Variants in PDE10A observed in about 807,000 individuals in gnomAD.
PDE10A encodes cAMP and cAMP-inhibited cGMP 3',5'-cyclic phosphodiesterase 10A.
In PDE10A, 39 loss-of-function variants were observed where a neutral mutation model predicts 97.7. The ratio of observed to expected loss-of-function variants is 0.40; its 90% CI spans 0.31 to 0.52. PDE10A has a LOEUF of 0.52. Ranked by LOEUF, PDE10A falls within the 20% of genes least tolerant of loss-of-function variation. PDE10A has a pLI of 0.56. For missense variants in PDE10A, 731 were observed against 1,047.8 expected, an observed-to-expected ratio of 0.70 and a Z score of 4.17; for synonymous variants, 371 against 376.8, an observed-to-expected ratio of 0.98 and a Z score of 0.18.
chr6:165,723,616 G>T (rs1582994952), intron 1 of PDE10A, among the ~76,000 whole-genome samples: 1 of 152,202 alleles, frequency 6.6e-6, no homozygotes. Flanking sequence ...AGCATGTTTT[G>T]CCATAGCTGC....
chr6:165,770,958 G>A (rs1402213507), intron 1 of PDE10A, among the ~76,000 whole-genome samples: 1 of 152,136 alleles, frequency 6.6e-6, no homozygotes, highest in Non-Finnish European at 1.5e-5. Flanking sequence ...GACCCCTCCT[G>A]TCCCTCTGGC....
intron 18 of PDE10A, among the ~76,000 whole-genome samples, chr6:165,368,647 C>T (rs1404243498): frequency 3.3e-5 from 5 of 152,050 alleles, no homozygotes; most frequent in African/African-American, 4.8e-5. Context: ...CTTATAAATG[C>T]AAATAGACTA....
intron 5 of PDE10A, 124 bp from the exon 6 acceptor site, chr6:165,435,501 G>A: frequency 1.3e-6 from 1 of 765,698 alleles, no homozygotes; most frequent in Non-Finnish European, 1.9e-6. Flanking sequence ...CATAAAATGA[G>A]GAAAGGTGCT....
chr6:165,837,537 C>A (rs1780095676), intron 1 of PDE10A, among the ~76,000 whole-genome samples: 1 of 152,052 alleles, frequency 6.6e-6, no homozygotes, highest in African/African-American at 2.4e-5. Context: ...TAAACATTTG[C>A]TGCCAGAGGT....
chr6:165,820,062 TTACTA>T (rs1395205031), intron 1 of PDE10A, among the ~76,000 whole-genome samples: 1 of 152,224 alleles, frequency 6.6e-6, no homozygotes, highest in East Asian at 1.9e-4. Flanking sequence ...TGTAAGTCTG[TTACTA>T]CAAATGCAAC....
rs755282042 is a variant in PDE10A at position 165,704,701 on chromosome 6, A to G, written c.-614-161133T>C. Among the ~76,000 whole-genome samples the G allele has an allele frequency of 1.4e-4, 22 of 152,372 alleles. 1 individual carries two copies. The highest frequency in any genetic ancestry group is 3.1e-4 in the Non-Finnish European group (21 of 68,028). On this transcript the variant is annotated intron_variant, in intron 1 of 19. Transcript: ENST00000366882. ...GTTTTGTGAGCAGGTTTCACTTCAC[A>G]GGAACTATCTCTTTTTGTGGATGTA...
chr6:165,695,619 G>C (rs1360875262), intron 1 of PDE10A, among the ~76,000 whole-genome samples: 1 of 152,212 alleles, frequency 6.6e-6, no homozygotes, highest in African/African-American at 2.4e-5. Flanking sequence ...AAAACAGATA[G>C]CTCCTGTATC....
chr6:165,735,946 T>C (rs568689727), intron 1 of PDE10A, among the ~76,000 whole-genome samples: 1 of 152,316 alleles, frequency 6.6e-6, no homozygotes, highest in Non-Finnish European at 1.5e-5. Flanking sequence ...TATTTGAATC[T>C]GGGCCTACAG....
intron 1 of PDE10A, among the ~76,000 whole-genome samples, chr6:165,818,851 A>T (rs569539468): frequency 8.5e-4 from 129 of 152,342 alleles, no homozygotes; most frequent in African/African-American, 3.0e-3. Flanking sequence ...TGCTTACTTC[A>T]GCTGTGTTAG....
intron 1 of PDE10A, among the ~76,000 whole-genome samples, chr6:165,760,348 A>G (rs750947672): frequency 2.6e-5 from 4 of 152,192 alleles, no homozygotes; most frequent in Non-Finnish European, 5.9e-5. Context: ...AGCCACCGAA[A>G]AACCAGACAC....
At chr6:165,945,178 G>A (rs921752919) in intron 1 of PDE10A, among the ~76,000 whole-genome samples, 1 of 152,162 alleles carries the variant, frequency 6.6e-6, no homozygotes, top group African/African-American at 2.4e-5. Context: ...GCTTTGGGGA[G>A]GGCCAGCCTC....
chr6:165,678,763 A>C (rs1249698117), intron 1 of PDE10A, among the ~76,000 whole-genome samples: 2 of 152,190 alleles, frequency 1.3e-5, no homozygotes, highest in African/African-American at 4.8e-5. Flanking sequence ...GCTCTTACCA[A>C]AAAAGAAAAA....
chr6:165,712,084 T>C (rs915360081), intron 1 of PDE10A, among the ~76,000 whole-genome samples: 2 of 151,766 alleles, frequency 1.3e-5, no homozygotes, highest in African/African-American at 2.4e-5. Flanking sequence ...GTGAAGTGAG[T>C]GGACATCAAG....
chr6:165,380,434 T>G (rs539287638), intron 17 of PDE10A, among the ~76,000 whole-genome samples: 35 of 152,356 alleles, frequency 2.3e-4, no homozygotes, highest in Admixed American at 3.9e-4. Context: ...TTGTTTTCAA[T>G]TATCAGAACA....
At chr6:165,532,488 G>A (rs936975611) in intron 2 of PDE10A, among the ~76,000 whole-genome samples, 8 of 151,974 alleles carry the variant, frequency 5.3e-5, no homozygotes, top group African/African-American at 9.7e-5. Flanking sequence ...TGTACAATAA[G>A]TGCATGTAGT....
rs556617710 is a variant in PDE10A, at chr6:165,431,642, A to G, written c.1492-170T>C. Among the ~76,000 whole-genome samples the G allele has an allele frequency of 1.7e-4, 26 of 148,830 alleles. No homozygotes were observed. The East Asian group carries it at 3.5e-3, about 20-fold the overall frequency. On this transcript the variant is annotated intron_variant, in intron 7 of 21. Transcript: ENST00000539869. ...ATAACATATATATATATATACACAC[A>G]CACACTACTTGTAGTCATCTCAACA...
intron 1 of PDE10A, among the ~76,000 whole-genome samples, chr6:165,917,632 T>G (rs1449958772): frequency 6.6e-6 from 1 of 152,104 alleles, no homozygotes; most frequent in African/African-American, 2.4e-5. Context: ...GGACATTAAC[T>G]GAATAAAGTA....
At chr6:165,700,545 G>A (rs549998692) in intron 1 of PDE10A, among the ~76,000 whole-genome samples, 1 of 152,214 alleles carries the variant, frequency 6.6e-6, no homozygotes, top group East Asian at 1.9e-4. Context: ...CCTATGTCGT[G>A]CACGCATTTC....
intron 1 of PDE10A, among the ~76,000 whole-genome samples, chr6:165,720,685 A>G (rs1201144778): frequency 1.3e-5 from 2 of 152,220 alleles, no homozygotes; most frequent in Non-Finnish European, 2.9e-5. Flanking sequence ...TACCCGGATA[A>G]GCACATATCC....
Sources: allele counts gnomAD v4.1 joint callset (sites outside exome capture counted in the v4.1 genomes callset), GRCh38; gene constraint gnomAD v4.1.1; transcripts MANE v1.5; gene names NCBI Gene and HGNC (gene_info 2026-07-23, HGNC 2026-07-21).